The following CREB5 variants were observed in gnomAD, a reference collection of about 807,000 sequenced individuals.
CREB5 encodes the protein cAMP responsive element binding protein 5.
Under a neutral mutation model 57.1 loss-of-function variants are expected in CREB5, and 19 were observed. That is an observed-to-expected ratio of 0.33 (90% confidence interval 0.23 to 0.49). The LOEUF is 0.49. CREB5 is among the 20% of genes least tolerant of loss of function. The probability of loss-of-function intolerance (pLI) is 0.99; values close to 1 mark genes in which losing one functional copy is unlikely to be tolerated. For synonymous variants in CREB5, 238 were observed against 238.3 expected, an observed-to-expected ratio of 1.00 and a Z score of 0.01; for missense variants, 579 against 671.6, an observed-to-expected ratio of 0.86 and a Z score of 1.52.
At chr7:28,440,903 A>G (rs1391875721) in intron 1 of CREB5, among the ~76,000 whole-genome samples, 2 of 152,198 alleles carry the variant, frequency 1.3e-5, no homozygotes, top group Admixed American at 1.3e-4. Flanking sequence ...CGGCCATCAG[A>G]AGAGGGCACG....
At chr7:28,746,031 C>G (rs1025324080) in intron 7 of CREB5, among the ~76,000 whole-genome samples, 4 of 152,150 alleles carry the variant, frequency 2.6e-5, no homozygotes, top group Non-Finnish European at 5.9e-5. Flanking sequence ...TTTGCAGAGC[C>G]TGATGAAATA....
intron 1 of CREB5, among the ~76,000 whole-genome samples, chr7:28,315,279 T>C (rs889600263): frequency 6.6e-6 from 1 of 152,184 alleles, no homozygotes; most frequent in Non-Finnish European, 1.5e-5. Context: ...ATGTTGCCAG[T>C]TTAATGAATT....
At chr7:28,460,315 A>G (rs1251376084) in intron 1 of CREB5, among the ~76,000 whole-genome samples, 1 of 152,242 alleles carries the variant, frequency 6.6e-6, no homozygotes, top group Non-Finnish European at 1.5e-5. Flanking sequence ...TAGACATACC[A>G]TATCTAATTG....
At chr7:28,540,080 G>A (rs1198627363) in intron 4 of CREB5, among the ~76,000 whole-genome samples, 2 of 152,142 alleles carry the variant, frequency 1.3e-5, no homozygotes, top group South Asian at 2.1e-4. Flanking sequence ...GAAGACTTTA[G>A]CATATTTTAT....
At chr7:28,390,552 C>T (rs1245457507) in intron 1 of CREB5, among the ~76,000 whole-genome samples, 1 of 152,134 alleles carries the variant, frequency 6.6e-6, no homozygotes, top group Non-Finnish European at 1.5e-5. Context: ...GAAACTTCTC[C>T]CTTTATTACT....
intron 1 of CREB5, among the ~76,000 whole-genome samples, chr7:28,342,021 A>G (rs1178470115): frequency 1.3e-5 from 2 of 152,174 alleles, no homozygotes; most frequent in African/African-American, 4.8e-5. Flanking sequence ...TGGTTGGAAG[A>G]CAGAATTGTT....
chr7:28,663,861 A>G (rs1799709493), intron 5 of CREB5, among the ~76,000 whole-genome samples: 1 of 152,154 alleles, frequency 6.6e-6, no homozygotes, highest in Admixed American at 6.5e-5. Flanking sequence ...GTGCTTTAGT[A>G]CTGCAGGTAC....
At chr7:28,351,871 A>G (rs952265848) in intron 1 of CREB5, among the ~76,000 whole-genome samples, 1 of 152,208 alleles carries the variant, frequency 6.6e-6, no homozygotes, top group South Asian at 2.1e-4. Flanking sequence ...TAATAAAGGG[A>G]TAGTGATGAG....
At chr7:28,446,286 A>T (rs1791567621) in intron 1 of CREB5, among the ~76,000 whole-genome samples, 1 of 152,012 alleles carries the variant, frequency 6.6e-6, no homozygotes, top group African/African-American at 2.4e-5. Context: ...ATTTGGAGCT[A>T]ACTTGGTGGG....
rs536963022 is a variant in CREB5, at chr7:28,718,560, AGG to A, written c.465-192_465-191del. ...TGAAGTGGAATTTGATATATTAACTAGGAAGCAGCAAAGGAAACCAGGCTTGT... is the reference window on the plus strand; with the variant it reads ...TGAAGTGGAATTTGATATATTAACTAAAGCAGCAAAGGAAACCAGGCTTGT... On this transcript the variant is annotated intron_variant, in intron 5 of 10. Transcript: ENST00000357727. Among the ~76,000 whole-genome samples, 4 of 152,340 alleles carry A rather than the reference AGG, an allele frequency of 2.6e-5. No homozygotes were observed. The South Asian group carries it at 8.3e-4, about 32-fold the overall frequency.
intron 1 of CREB5, among the ~76,000 whole-genome samples, chr7:28,319,776 G>A (rs1785457973): frequency 6.6e-6 from 1 of 152,092 alleles, no homozygotes; most frequent in African/African-American, 2.4e-5. Flanking sequence ...CATGTGCTTG[G>A]GGTAATGTGT....
At chr7:28,410,098 C>G (rs1215114290), upstream of CREB5, 1 of 396,576 alleles carries the variant, frequency 2.5e-6, no homozygotes, top group Non-Finnish European at 5.0e-6. Flanking sequence ...CTCGCTCTCC[C>G]CGGTGCGGAG....
intron 1 of CREB5, among the ~76,000 whole-genome samples, chr7:28,473,552 C>A (rs191109945): frequency 1.1e-3 from 171 of 152,340 alleles, no homozygotes; most frequent in African/African-American, 3.9e-3. Context: ...TGCCCCATAT[C>A]TGACACACTG....
Position 28,824,679 on chromosome 7 carries a change from TC to T in CREB5, c.*5401del, listed in dbSNP as rs934017028. ...TGTCCATTCAAAATATTTTACTATTTCTTGTGGAGTTTTTCAGTGATGTAAT... is the reference window on the plus strand; with the variant it reads ...TGTCCATTCAAAATATTTTACTATTTTTGTGGAGTTTTTCAGTGATGTAAT... On this transcript the variant is annotated 3_prime_UTR_variant, in exon 11 of 11. Coordinates refer to ENST00000357727, the MANE Select transcript of CREB5 (RefSeq NM_182898.4). The T allele has an allele frequency of 3.9e-5, 6 of 152,660 alleles. No homozygotes were observed. Among genetic ancestry groups the T allele is most frequent in the African/African-American group, 1.4e-4 (6 of 41,468 alleles). The allele number at this position is 152,660 out of a possible 1,614,324, so 9.5% of individuals were successfully genotyped here. A position where few individuals can be genotyped will look rare whatever the true frequency, so the allele number is the denominator to read the frequency against.
chr7:28,438,196 A>G (rs1349126635), intron 1 of CREB5, among the ~76,000 whole-genome samples: 1 of 152,182 alleles, frequency 6.6e-6, no homozygotes, highest in African/African-American at 2.4e-5. Context: ...TAACTCATTC[A>G]TTTCTCTAGA....
At chr7:28,374,206 A>G (rs1786776389) in intron 1 of CREB5, among the ~76,000 whole-genome samples, 1 of 152,242 alleles carries the variant, frequency 6.6e-6, no homozygotes, top group African/African-American at 2.4e-5. Flanking sequence ...AAAATCAAAC[A>G]GACTGACAAT....
At chr7:28,802,686 T>C (rs767047629) in intron 7 of CREB5, among the ~76,000 whole-genome samples, 1 of 152,234 alleles carries the variant, frequency 6.6e-6, no homozygotes, top group Non-Finnish European at 1.5e-5. Flanking sequence ...ATGATGATAA[T>C]TGACTGTGTC....
intron 8 of CREB5, 97 bp downstream of exon 8, chr7:28,804,619 G>A (rs951117431): frequency 1.4e-6 from 2 of 1,452,648 alleles, no homozygotes; most frequent in East Asian, 4.6e-5. Context: ...TGTTTGACAA[G>A]CCCAGGTGTT....
intron 1 of CREB5, among the ~76,000 whole-genome samples, chr7:28,359,574 A>G (rs1047474700): frequency 6.6e-6 from 1 of 152,208 alleles, no homozygotes; most frequent in Non-Finnish European, 1.5e-5. Context: ...TCAGCTCATG[A>G]TCATTTAAAT....
Sources: allele counts gnomAD v4.1 joint callset (sites outside exome capture counted in the v4.1 genomes callset), GRCh38; gene constraint gnomAD v4.1.1; transcripts MANE v1.5; gene names NCBI Gene and HGNC (gene_info 2026-07-23, HGNC 2026-07-21).